AK5: variants seen among roughly 807,000 people sequenced by gnomAD.
The protein encoded by AK5 is adenylate kinase 5.
A neutral mutation model predicts 69.5 loss-of-function variants in AK5; 27 were observed. The observed-to-expected ratio is 0.39, with a 90% CI of 0.29 to 0.54. The LOEUF is 0.54. Ranked by LOEUF, AK5 falls within the 20% of genes least tolerant of loss-of-function variation. The pLI is 0.71. For synonymous variants in AK5, 260 were observed against 244.4 expected (o/e 1.06, Z -0.60); for missense variants, 531 against 700.4 (o/e 0.76, Z 2.73).
Position 77,464,914 on chromosome 1 carries a change from G to A in AK5, c.1060-18403G>A, listed in dbSNP as rs571126276. On this transcript the variant is annotated intron_variant, in intron 8 of 13. Transcript: ENST00000354567. The stretch of plus-strand genomic sequence containing the variant: ...GAGATTTAGGAGAACAAGGGAGAGC[G>A]AATATCCAGTACCTTTTATCTAATT... Among the ~76,000 whole-genome samples, 7 of 152,234 alleles carry A rather than the reference G, an allele frequency of 4.6e-5. No individual in the cohort carries two copies. The East Asian group carries it at 7.7e-4, about 17-fold the overall frequency.
chr1:77,367,579 A>ATATATATATATATATATATGAT (rs71075732), intron 6 of AK5, among the ~76,000 whole-genome samples: 1 of 53,364 alleles, frequency 1.9e-5, no homozygotes, highest in African/African-American at 1.1e-4. Flanking sequence ...ATATATATAT[A>ATATATATATATATATATATGAT]ATATATATGT....
chr1:77,494,555 C>A (rs1342311723), intron 10 of AK5, among the ~76,000 whole-genome samples: 1 of 152,096 alleles, frequency 6.6e-6, no homozygotes, highest in Non-Finnish European at 1.5e-5. Flanking sequence ...CTGTCAACTC[C>A]AAATTTGAGC....
intron 6 of AK5, among the ~76,000 whole-genome samples, chr1:77,400,933 TAAAAA>T (rs71689422): frequency 1.0e-4 from 12 of 115,294 alleles, no homozygotes; most frequent in African/African-American, 1.9e-4. Context: ...TTCATTCTGT[TAAAAA>T]AAAAAAAAAA....
At chr1:77,540,387 C>T (rs533611031) in intron 13 of AK5, 9 of 152,350 alleles carry the variant, frequency 5.9e-5, no homozygotes, top group Admixed American at 5.2e-4. Flanking sequence ...TTTCATTCCC[C>T]ACCTCACTAC....
At chr1:77,370,333 A>G (rs755623229) in intron 6 of AK5, among the ~76,000 whole-genome samples, 18 of 152,186 alleles carry the variant, frequency 1.2e-4, no homozygotes, top group Non-Finnish European at 2.6e-4. Flanking sequence ...CTCAAAGCTG[A>G]AAGGAAGCAA....
chr1:77,293,526 G>A (rs767800971), intron 2 of AK5: 2 of 267,874 alleles, frequency 7.5e-6, no homozygotes, highest in Non-Finnish European at 1.4e-5. Context: ...TGGAACACAG[G>A]CACACTCGTT....
Position 77,352,142 on chromosome 1 carries a change from G to A in AK5, c.891+11574G>A, listed in dbSNP as rs139030509. ...ACTGGGTTTCACCATGTTGGCCAGG[G>A]TGGTCTCGAACTCCTGACCTTGTGA... On this transcript the variant is annotated intron_variant, in intron 6 of 13. Transcript: ENST00000354567. Among the ~76,000 whole-genome samples the A allele has an allele frequency of 5.5e-4, 84 of 151,694 alleles. No homozygotes were observed. The East Asian group carries it at 6.6e-3, about 12-fold the overall frequency.
At position 77,282,210 on chromosome 1, in the gene AK5, C is replaced by A; in HGVS notation, c.-104C>A. On this transcript the variant is annotated 5_prime_UTR_variant, in exon 1 of 14. Transcript: ENST00000354567. The stretch of plus-strand genomic sequence containing the variant: ...GTGCGCGTGAGAAAGAGGGCTGCAC[C>A]GCTGCTCGGCGCGGACTCTGCCAGC... 9.0e-7 allele frequency: 1 copy of A among 1,114,602 alleles called. No individual in the cohort carries two copies. Among genetic ancestry groups the A allele is most frequent in the East Asian group, 2.8e-5 (1 of 35,690 alleles). The allele number at this position is 1,114,602 out of a possible 1,614,324, so 69.0% of individuals were successfully genotyped here. A position where few individuals can be genotyped will look rare whatever the true frequency, so the allele number is the denominator to read the frequency against.
rs1570298263 is a variant in AK5, at chr1:77,518,653, G to C, written c.1237G>C (p.Glu413Gln). 1.9e-6 allele frequency: 3 copies of C among 1,614,052 alleles called. No homozygotes were observed. The highest frequency in any genetic ancestry group is 1.7e-5 in the Admixed American group (1 of 60,004). Residue 413 changes from glutamate (E) to glutamine (Q), a missense_variant, in exon 11 of 14, where the codon GAG becomes CAG. Physicochemically the swap from Glu to Gln is conservative, Grantham distance 29. Coordinates refer to ENST00000354567, the MANE Select transcript of AK5 (RefSeq NM_174858.3). ...TCTCTCAACTGGCGAGCTCCTGCGTGAGGAACTGGCATCAGAATCTGAAAG... is the reference window on the plus strand; with the variant it reads ...TCTCTCAACTGGCGAGCTCCTGCGTCAGGAACTGGCATCAGAATCTGAAAG... ...THLSTGELLR[E>Q]ELASESERSK...
At chr1:77,396,847 G>A (rs180961654) in intron 6 of AK5, among the ~76,000 whole-genome samples, 3 of 152,312 alleles carry the variant, frequency 2.0e-5, no homozygotes, top group African/African-American at 4.8e-5. Context: ...AAAGTGTTAC[G>A]TTGTGATTGT....
At chr1:77,362,876 A>G (rs1302773547) in intron 6 of AK5, among the ~76,000 whole-genome samples, 1 of 152,140 alleles carries the variant, frequency 6.6e-6, no homozygotes, top group Non-Finnish European at 1.5e-5. Flanking sequence ...ATACCCTTTG[A>G]CCCAATAATT....
chr1:77,397,105 C>T (rs948830283), intron 6 of AK5, among the ~76,000 whole-genome samples: 1 of 152,202 alleles, frequency 6.6e-6, no homozygotes, highest in Non-Finnish European at 1.5e-5. Flanking sequence ...CTCCCCTTCT[C>T]AGAATAATCC....
intron 6 of AK5, chr1:77,345,940 T>C (rs1410860033): frequency 6.6e-6 from 1 of 152,174 alleles, no homozygotes; most frequent in East Asian, 1.9e-4. Flanking sequence ...CAGAGCCTTA[T>C]CAATAACATA....
chr1:77,363,435 A>C (rs756120524), intron 6 of AK5, among the ~76,000 whole-genome samples: 2 of 152,162 alleles, frequency 1.3e-5, no homozygotes, highest in Non-Finnish European at 2.9e-5. Context: ...CTTGCAGTCT[A>C]GTCACATAGC....
At chr1:77,282,705 G>A in intron 1 of AK5, 2 of 1,094,278 alleles carry the variant, frequency 1.8e-6, no homozygotes, top group Non-Finnish European at 1.1e-6. Context: ...CTCTCTGGGG[G>A]CGAGGGCCAG....
intron 6 of AK5, among the ~76,000 whole-genome samples, chr1:77,378,741 A>G (rs974046132): frequency 6.6e-6 from 1 of 152,234 alleles, no homozygotes; most frequent in Non-Finnish European, 1.5e-5. Flanking sequence ...GAACTGAGAG[A>G]GCTCTCCAGG....
At chr1:77,439,765 TATATAC>T (rs1652195573) in intron 8 of AK5, among the ~76,000 whole-genome samples, 3 of 151,884 alleles carry the variant, frequency 2.0e-5, no homozygotes, top group Non-Finnish European at 2.9e-5. Flanking sequence ...AATATGTATG[TATATAC>T]ATATATATGT....
chr1:77,503,052 G>A (rs367988202), intron 10 of AK5, among the ~76,000 whole-genome samples: 2 of 152,212 alleles, frequency 1.3e-5, no homozygotes, highest in South Asian at 2.1e-4. Context: ...CTAAGACTGC[G>A]TCAAAACCTG....
chr1:77,477,581 A>T (rs1655024986), intron 8 of AK5, among the ~76,000 whole-genome samples: 1 of 152,216 alleles, frequency 6.6e-6, no homozygotes, highest in African/African-American at 2.4e-5. Flanking sequence ...CATTGAGGTA[A>T]GAAAAAATTA....
Sources: allele counts gnomAD v4.1 joint callset (sites outside exome capture counted in the v4.1 genomes callset), GRCh38; gene constraint gnomAD v4.1.1; transcripts MANE v1.5; gene names NCBI Gene and HGNC (gene_info 2026-07-23, HGNC 2026-07-21).